Variants in SLCO6A1 observed in about 807,000 individuals in gnomAD.
The protein encoded by SLCO6A1 is solute carrier organic anion transporter family member 6A1, also known as cancer/testis antigen 48.
A neutral mutation model predicts 72.7 loss-of-function variants in SLCO6A1; 65 were observed. The observed-to-expected ratio is 0.89, with a 90% confidence interval of 0.73 to 1.10. SLCO6A1 has a LOEUF of 1.10. Ranked by LOEUF, SLCO6A1 falls within the 50% of genes least tolerant of loss-of-function variation. The pLI is 0.00. For missense variants in SLCO6A1, 874 were observed against 872.6 expected (o/e 1.00, Z -0.02); for synonymous variants, 314 against 298.2 (o/e 1.05, Z -0.55).
At chr5:102,418,164 C>T (rs1474363399) in intron 8 of SLCO6A1, among the ~76,000 whole-genome samples, 1 of 151,304 alleles carries the variant, frequency 6.6e-6, no homozygotes, top group African/African-American at 2.4e-5. Context: ...ATGCCATTAC[C>T]CTTATCTTTG....
chr5:102,422,326 T>C (rs1473019804), intron 7 of SLCO6A1, among the ~76,000 whole-genome samples: 4 of 152,184 alleles, frequency 2.6e-5, no homozygotes, highest in Non-Finnish European at 2.9e-5. Context: ...CAAACTCCTC[T>C]GAGCTAAAGG....
chr5:102,411,025 G>A (rs900003375), intron 9 of SLCO6A1, among the ~76,000 whole-genome samples: 3 of 152,122 alleles, frequency 2.0e-5, no homozygotes, highest in East Asian at 1.9e-4. Flanking sequence ...GATAGTATTC[G>A]TCAATCTCTA....
At chr5:102,498,369 G>A (rs116363961) in intron 1 of SLCO6A1, 118 bp downstream of exon 1, 11,213 of 946,830 alleles carry the variant, frequency 0.012, 84 homozygotes, top group Non-Finnish European at 0.016. Flanking sequence ...CCTCAGGCTG[G>A]GCCACCCCAG....
At chr5:102,445,641 T>C (rs1463680044) in intron 6 of SLCO6A1, among the ~76,000 whole-genome samples, 1 of 152,210 alleles carries the variant, frequency 6.6e-6, no homozygotes, top group Admixed American at 6.5e-5. Flanking sequence ...ATCGTGTCTT[T>C]GCCTGGGCCA....
intron 6 of SLCO6A1, among the ~76,000 whole-genome samples, chr5:102,446,317 G>A (rs1368368857): frequency 6.6e-6 from 1 of 151,966 alleles, no homozygotes; most frequent in Non-Finnish European, 1.5e-5. Context: ...CTATATTTTA[G>A]TCTTTTTGTG....
intron 9 of SLCO6A1, among the ~76,000 whole-genome samples, chr5:102,401,925 C>A (rs1271234812): frequency 4.6e-5 from 7 of 151,784 alleles, no homozygotes. Flanking sequence ...ATATTTAGCA[C>A]AATAAATAGT....
intron 4 of SLCO6A1, among the ~76,000 whole-genome samples, chr5:102,469,002 C>A (rs1280445348): frequency 1.3e-5 from 2 of 152,096 alleles, no homozygotes; most frequent in Admixed American, 6.6e-5. Flanking sequence ...GGCCTCTGTT[C>A]TGTTCCATTG....
intron 12 of SLCO6A1, among the ~76,000 whole-genome samples, chr5:102,383,552 T>A (rs1320780649): frequency 5.3e-5 from 8 of 151,836 alleles, no homozygotes; most frequent in Non-Finnish European, 1.0e-4. Flanking sequence ...TCCCTCTTGA[T>A]CATAATATAT....
Position 102,494,342 on chromosome 5 carries a change from T to C in SLCO6A1, c.358+4145A>G, listed in dbSNP as rs570023612. On this transcript the variant is annotated intron_variant, in intron 1 of 13. Coordinates refer to ENST00000506729, the MANE Select transcript of SLCO6A1 (RefSeq NM_173488.5). ...TAACACCTCTAGAAGAAAAGCAAAG[T>C]AGAAAACCTTCATGACACTGAGTTA... Among the ~76,000 whole-genome samples the C allele has an allele frequency of 1.2e-3, 176 of 152,188 alleles. 1 individual carries two copies. Among genetic ancestry groups the C allele is most frequent in the African/African-American group, 4.2e-3 (173 of 41,572 alleles).
chr5:102,384,016 T>C (rs1005278883), intron 12 of SLCO6A1, among the ~76,000 whole-genome samples: 3 of 151,906 alleles, frequency 2.0e-5, no homozygotes, highest in Non-Finnish European at 4.4e-5. Flanking sequence ...TTCTGTTGCA[T>C]AACTTTCAAT....
Position 102,374,752 on chromosome 5 carries a change from AG to A in SLCO6A1, c.2018-1259del, listed in dbSNP as rs558066072. ...ACAATTGTAACATAGTAAATAACAC[AG>A]TAAATAATTATAGTAAATTATTCTC... is the stretch of plus-strand genomic sequence containing the variant. On this transcript the variant is annotated intron_variant, in intron 12 of 13. Coordinates refer to ENST00000506729, the MANE Select transcript of SLCO6A1 (RefSeq NM_173488.5). 8.6e-3 allele frequency among the ~76,000 whole-genome samples: 1,317 copies of A among 152,340 alleles called. 11 individuals carry two copies. Among genetic ancestry groups the A allele is most frequent in the South Asian group, 0.016 (79 of 4,828 alleles).
intron 9 of SLCO6A1, among the ~76,000 whole-genome samples, chr5:102,412,287 T>G (rs374511943): frequency 2.0e-5 from 3 of 152,182 alleles, no homozygotes; most frequent in African/African-American, 4.8e-5. Flanking sequence ...TGTGACCACC[T>G]TGAGCACACG....
chr5:102,441,168 A>G (rs909861718), intron 6 of SLCO6A1, among the ~76,000 whole-genome samples: 1 of 152,098 alleles, frequency 6.6e-6, no homozygotes, highest in African/African-American at 2.4e-5. Flanking sequence ...CTTGTTTAAC[A>G]TTTTCCCACC....
At chr5:102,404,619 G>C (rs766650738) in intron 9 of SLCO6A1, among the ~76,000 whole-genome samples, 2 of 152,180 alleles carry the variant, frequency 1.3e-5, no homozygotes, top group African/African-American at 4.8e-5. Flanking sequence ...AAATTAAAAA[G>C]AGAAAAGGGT....
intron 12 of SLCO6A1, among the ~76,000 whole-genome samples, chr5:102,382,471 T>C (rs2112489162): frequency 6.9e-6 from 1 of 145,452 alleles, no homozygotes; most frequent in Admixed American, 7.0e-5. Context: ...GAAGGTCTTT[T>C]GTGATTTCAT....
chr5:102,385,101 TG>T (rs1746340637), intron 12 of SLCO6A1, among the ~76,000 whole-genome samples: 1 of 152,182 alleles, frequency 6.6e-6, no homozygotes, highest in Admixed American at 6.5e-5. Flanking sequence ...TATTCTTGGC[TG>T]GCAGTTTCTT....
chr5:102,389,448 C>CA (rs1337759984), intron 11 of SLCO6A1, among the ~76,000 whole-genome samples: 2 of 59,718 alleles, frequency 3.3e-5, no homozygotes, highest in Non-Finnish European at 7.6e-5. Context: ...ACACCCCGCC[C>CA]CCCACCCCCA....
Position 102,498,734 on chromosome 5 carries a change from T to A in SLCO6A1, c.111A>T (p.Gly37=). ...TCCCGGGCTTCGAGGACTTCGGGGT[T>A]CCCTTGGCCCTCCTGTCCTTAGCAG... ...AQPAKDRRAK[G]TPKSSKPGKK... is the part of the protein sequence containing the mutation. Residue 37 remains glycine, a synonymous_variant, in exon 1 of 14, where the codon GGA becomes GGT. Coordinates refer to ENST00000506729, the MANE Select transcript of SLCO6A1 (RefSeq NM_173488.5). 1.9e-6 allele frequency: 3 copies of A among 1,614,112 alleles called. No individual in the cohort carries two copies. The highest frequency in any genetic ancestry group is 2.5e-6 in the Non-Finnish European group (3 of 1,180,008).
intron 12 of SLCO6A1, among the ~76,000 whole-genome samples, chr5:102,385,591 TG>T (rs1352603585): frequency 6.6e-6 from 1 of 152,146 alleles, no homozygotes; most frequent in East Asian, 1.9e-4. Context: ...ACTCTGCAGT[TG>T]AAGTTCTCTA....
Sources: gnomAD v4.1 joint callset for allele counts (sites outside exome capture counted in the v4.1 genomes callset) on GRCh38, gnomAD v4.1.1 for gene constraint, MANE v1.5 for transcripts, NCBI Gene and HGNC (gene_info 2026-07-23, HGNC 2026-07-21) for gene names.